TNNC2: variants seen among roughly 807,000 people sequenced by gnomAD.
The protein encoded by TNNC2 is troponin C, skeletal muscle.
Under a neutral mutation model 20.0 loss-of-function variants are expected in TNNC2, and 14 were observed. That is an observed-to-expected ratio of 0.70 (90% CI 0.46 to 1.09). The LOEUF (loss-of-function observed/expected upper bound fraction) is 1.09, where lower values mean the gene tolerates loss of function less well. Among genes scored for constraint, TNNC2 ranks in the 50% least tolerant of loss-of-function variants. The pLI, the probability that TNNC2 is intolerant of heterozygous loss-of-function variation, is 0.00. For missense variants in TNNC2, 163 were observed against 223.8 expected (o/e 0.73, Z 1.73); for synonymous variants, 81 against 77.3 (o/e 1.05, Z -0.25).
upstream of TNNC2, among the ~76,000 whole-genome samples, chr20:45,829,637 G>A (rs1249942049): frequency 3.3e-5 from 5 of 151,586 alleles, no homozygotes; most frequent in Non-Finnish European, 2.9e-5. Flanking sequence ...AAAATTAGCC[G>A]GGCATGGTGG....
chr20:45,830,967 G>A (rs755758042), upstream of TNNC2, among the ~76,000 whole-genome samples: 3 of 151,740 alleles, frequency 2.0e-5, no homozygotes, highest in African/African-American at 7.3e-5. Flanking sequence ...GCAACATGGC[G>A]AGACGCTGTC....
chr20:45,824,917 C>A (rs973259316), intron 1 of TNNC2, 83 bp from the exon 2 acceptor site: 2 of 1,496,696 alleles, frequency 1.3e-6, no homozygotes, highest in Non-Finnish European at 1.9e-6. Flanking sequence ...TCCCAACCCC[C>A]ACTCTGTCAG....
chr20:45,827,905 G>A (rs568692145), upstream of TNNC2, among the ~76,000 whole-genome samples: 3 of 152,296 alleles, frequency 2.0e-5, no homozygotes, highest in South Asian at 6.2e-4. Context: ...CAGGGGATAG[G>A]AGGAGAAAGT....
At chr20:45,829,867 A>G (rs1601058326), upstream of TNNC2, among the ~76,000 whole-genome samples, 1 of 151,410 alleles carries the variant, frequency 6.6e-6, no homozygotes, top group East Asian at 2.0e-4. Context: ...TCAGCCTCCT[A>G]AAGTGCTAGG....
intron 2 of TNNC2, chr20:45,833,164 AAGAGAGAGAGAGAAAGAAAGAAAGAG>A (rs1983172697): frequency 1.9e-5 from 2 of 103,788 alleles, no homozygotes; most frequent in South Asian, 3.4e-4. Context: ...GAAAGAAAGA[AAGAGAGAGAGAGAAAGAAAGAAAGAG>A]AGAGAGAGAA....
chr20:45,823,297 T>C lies in TNNC2; in HGVS notation c.*51A>G. On this transcript the variant is annotated 3_prime_UTR_variant, in exon 6 of 6. Coordinates refer to ENST00000372555, the MANE Select transcript of TNNC2 (RefSeq NM_003279.3). The surrounding 1 kb of genome is among the most constrained non-coding windows in gnomAD (Gnocchi z 4.6). Reference sequence around the variant, plus strand: ...CTGGTGGGGACCCGGCAGGGCGGAGTCTCCCACACCCTAGGGACACGCGAT... The same window carrying C: ...CTGGTGGGGACCCGGCAGGGCGGAGCCTCCCACACCCTAGGGACACGCGAT... 1 of 1,507,386 alleles carries C rather than the reference T, an allele frequency of 6.6e-7. No individual in the cohort carries two copies. The highest frequency in any genetic ancestry group is 8.9e-7 in the Non-Finnish European group (1 of 1,120,324). 93.4% of individuals were successfully genotyped at this position (1,507,386 alleles called of 1,614,324 possible).
intron 1 of TNNC2, 106 bp downstream of exon 1, chr20:45,827,140 A>C: frequency 6.7e-7 from 1 of 1,494,398 alleles, no homozygotes; most frequent in Admixed American, 1.7e-5. Flanking sequence ...TCCATGCTCC[A>C]ACCTCAAACA....
At chr20:45,827,562 C>A (rs901410395), upstream of TNNC2, among the ~76,000 whole-genome samples, 4 of 152,272 alleles carry the variant, frequency 2.6e-5, no homozygotes, top group African/African-American at 7.2e-5. Context: ...GCCTTGGAGT[C>A]CCCCCGACCG....
Position 45,824,553 on chromosome 20 carries a change from C to T in TNNC2, c.141G>A (p.Leu47=), listed in dbSNP as rs1982909862. 6.2e-7 allele frequency: 1 copy of T among 1,613,520 alleles called. No homozygotes were observed. The highest frequency in any genetic ancestry group is 8.5e-7 in the Non-Finnish European group (1 of 1,180,036). The part of the protein sequence containing the change: ...VKELGTVMRM[L]GQTPTKEELD... ...GCTCCTCCTTGGTGGGTGTCTGGCC[C>T]AGCATCCTCATCACCGTGCCCAACT... Residue 47 remains leucine, a synonymous_variant, in exon 3 of 6, where the codon CTG becomes CTA. Coordinates refer to ENST00000372555, the MANE Select transcript of TNNC2 (RefSeq NM_003279.3).
chr20:45,824,921 C>CT, intron 1 of TNNC2, 87 bp from the exon 2 acceptor site: 1 of 1,438,394 alleles, frequency 7.0e-7, no homozygotes, highest in Middle Eastern at 1.8e-4. Flanking sequence ...AACCCCCACT[C>CT]TGTCAGCGCC....
chr20:45,826,821 C>T (rs1013249529), intron 1 of TNNC2, among the ~76,000 whole-genome samples: 13 of 152,318 alleles, frequency 8.5e-5, no homozygotes, highest in East Asian at 3.9e-4. Flanking sequence ...GCAGGCCCCA[C>T]GCCCTGCCGG....
At position 45,823,842 on chromosome 20, in the gene TNNC2, T is replaced by C; in HGVS notation, c.451+149A>G. Reference sequence around the variant, plus strand: ...TGCACAGAGTCGTGGAGCGCTTCTATACCTGCCCCCAGGAGACTATGGGGA... The same window carrying C: ...TGCACAGAGTCGTGGAGCGCTTCTACACCTGCCCCCAGGAGACTATGGGGA... On this transcript the variant is annotated intron_variant, in intron 5 of 5. Transcript: ENST00000372555. The surrounding 1 kb of genome is among the most constrained non-coding windows in gnomAD (Gnocchi z 4.6). 2 of 1,322,822 alleles carry C rather than the reference T, an allele frequency of 1.5e-6. No homozygotes were observed. The highest frequency in any genetic ancestry group is 1.4e-5 in the South Asian group (1 of 73,138). 81.9% of individuals were successfully genotyped at this position (1,322,822 alleles called of 1,614,324 possible). A position where few individuals can be genotyped will look rare whatever the true frequency, so the allele number is the denominator to read the frequency against.
intron 1 of TNNC2, among the ~76,000 whole-genome samples, chr20:45,826,005 A>C (rs1601056101): frequency 9.0e-5 from 13 of 144,110 alleles, no homozygotes; most frequent in African/African-American, 1.6e-4. Context: ...CAAGTCGGGA[A>C]CCCCCCCCAC....
chr20:45,825,436 C>T (rs551422731), intron 1 of TNNC2, among the ~76,000 whole-genome samples: 1 of 152,196 alleles, frequency 6.6e-6, no homozygotes, highest in Non-Finnish European at 1.5e-5. Context: ...GGATTACAGG[C>T]ATGCGCCAAC....
upstream of TNNC2, among the ~76,000 whole-genome samples, chr20:45,827,624 G>A (rs1326265936): frequency 1.3e-5 from 2 of 152,198 alleles, no homozygotes; most frequent in African/African-American, 4.8e-5. Context: ...AGTAAAGGGT[G>A]AGGCAGCATG....
upstream of TNNC2, among the ~76,000 whole-genome samples, chr20:45,829,744 C>G (rs1043360526): frequency 1.3e-5 from 2 of 151,342 alleles, no homozygotes; most frequent in Non-Finnish European, 2.9e-5. Context: ...CGAGATCACA[C>G]CACTGCACTC....
intron 1 of TNNC2, among the ~76,000 whole-genome samples, chr20:45,825,258 TG>T (rs1982937347): frequency 6.6e-6 from 1 of 152,092 alleles, no homozygotes; most frequent in South Asian, 2.1e-4. Flanking sequence ...ATTACAGGCT[TG>T]AGCCACTGTG....
chr20:45,831,404 C>T (rs1243922873), upstream of TNNC2, among the ~76,000 whole-genome samples: 1 of 152,134 alleles, frequency 6.6e-6, no homozygotes, highest in African/African-American at 2.4e-5. Context: ...TGGTGAAACC[C>T]CATCTCTACT....
At chr20:45,826,877 A>C (rs1004237859) in intron 1 of TNNC2, among the ~76,000 whole-genome samples, 4 of 152,102 alleles carry the variant, frequency 2.6e-5, no homozygotes, top group Non-Finnish European at 5.9e-5. Context: ...TGATGATAGG[A>C]GGGTTTGGCC....
Sources: allele counts gnomAD v4.1 joint callset (sites outside exome capture counted in the v4.1 genomes callset), GRCh38; gene constraint gnomAD v4.1.1; non-coding constraint Gnocchi (gnomAD v3.1); transcripts MANE v1.5; gene names NCBI Gene and HGNC (gene_info 2026-07-23, HGNC 2026-07-21).